ADAMTSL1: variants seen among roughly 807,000 people sequenced by gnomAD.
ADAMTSL1 encodes the protein ADAMTS-like protein 1.
In ADAMTSL1, 126 loss-of-function variants were observed where a neutral mutation model predicts 201.8. The observed-to-expected ratio is 0.62, with a 90% CI of 0.54 to 0.72. The LOEUF (loss-of-function observed/expected upper bound fraction) is 0.72, where lower values mean the gene tolerates loss of function less well. Among genes scored for constraint, ADAMTSL1 ranks in the 30% least tolerant of loss-of-function variants. The probability of loss-of-function intolerance (pLI) is 0.00; values close to 1 mark genes in which losing one functional copy is unlikely to be tolerated. For synonymous variants in ADAMTSL1, 1,121 were observed against 903.4 expected, an observed-to-expected ratio of 1.24 and a Z score of -4.32; for missense variants, 2,679 against 2,277.8, an observed-to-expected ratio of 1.18 and a Z score of -3.59.
chr9:18,095,061 A>G (rs1470457925), intron 1 of ADAMTSL1, among the ~76,000 whole-genome samples: 1 of 152,202 alleles, frequency 6.6e-6, no homozygotes. Context: ...CTTTGGTGCT[A>G]AAAGATAGTT....
intron 7 of ADAMTSL1, among the ~76,000 whole-genome samples, chr9:18,647,366 G>GT (rs372396490): frequency 0.47 from 70,442 of 149,144 alleles, 17,037 homozygotes; most frequent in East Asian, 0.65. Context: ...TTTTTGAAGG[G>GT]TTTTTTTTCC....
chr9:18,447,828 A>T lies in ADAMTSL1; in HGVS notation c.208-57001A>T, dbSNP rs1051823385. Among the ~76,000 whole-genome samples, 2 of 152,250 alleles carry T rather than the reference A, an allele frequency of 1.3e-5. 1 individual carries two copies. Among genetic ancestry groups the T allele is most frequent in the African/African-American group, 4.8e-5 (2 of 41,476 alleles). On this transcript the variant is annotated intron_variant, in intron 2 of 29. Coordinates refer to the ADAMTSL1 transcript ENST00000680146. Reference sequence around the variant, plus strand: ...GCATGCCCCTCAGGGGCCTGGTGACAGTAGCTCTTTGAATGCAGAAGAGCC... The same window carrying T: ...GCATGCCCCTCAGGGGCCTGGTGACTGTAGCTCTTTGAATGCAGAAGAGCC...
chr9:18,905,035 C>T lies in ADAMTSL1; in HGVS notation c.4852-747C>T, dbSNP rs147072251. Among the ~76,000 whole-genome samples the T allele has an allele frequency of 1.1e-4, 16 of 152,232 alleles. No individual in the cohort carries two copies. In the East Asian group the frequency reaches 2.9e-3, roughly 28 times the overall value. Reference sequence around the variant, plus strand: ...CACCCCAGCACCACCCCCAGTGGAACCCTAGGGATCCAAAGACCCCCAAGT... The same window carrying T: ...CACCCCAGCACCACCCCCAGTGGAATCCTAGGGATCCAAAGACCCCCAAGT... On this transcript the variant is annotated intron_variant, in intron 26 of 28. Transcript: ENST00000380548.
intron 15 of ADAMTSL1, among the ~76,000 whole-genome samples, chr9:18,727,006 C>T (rs776436461): frequency 3.9e-5 from 6 of 152,152 alleles, no homozygotes; most frequent in East Asian, 1.9e-4. Context: ...TTAAGAAACA[C>T]GTCTGAAAGG....
At chr9:18,876,300 A>AGGTGTGTGTGTG (rs1828143325) in intron 23 of ADAMTSL1, among the ~76,000 whole-genome samples, 2 of 47,492 alleles carry the variant, frequency 4.2e-5, no homozygotes, top group African/African-American at 2.7e-4. Context: ...TTGCCTGAAT[A>AGGTGTGTGTGTG]CGTGTGTGTG....
At chr9:18,892,688 C>T (rs1829361771) in intron 26 of ADAMTSL1, 92 bp downstream of exon 26, 1 of 1,380,528 alleles carries the variant, frequency 7.2e-7, no homozygotes, top group Non-Finnish European at 9.8e-7. Context: ...CTGCCACTGC[C>T]ACCTCCTCCT....
At chr9:18,492,561 G>T (rs371715241) in intron 1 of ADAMTSL1, among the ~76,000 whole-genome samples, 1 of 152,154 alleles carries the variant, frequency 6.6e-6, no homozygotes, top group Admixed American at 6.5e-5. Context: ...CTGTAGGACT[G>T]CCTCTACTTG....
intron 1 of ADAMTSL1, among the ~76,000 whole-genome samples, chr9:18,119,405 A>G (rs527516): frequency 0.16 from 24,106 of 151,676 alleles, 1,940 homozygotes; most frequent in East Asian, 0.24. Context: ...TGATTCTCCT[A>G]TTCTCCTGCC....
At chr9:18,034,925 T>C (rs1821126984) in intron 1 of ADAMTSL1, among the ~76,000 whole-genome samples, 1 of 152,204 alleles carries the variant, frequency 6.6e-6, no homozygotes, top group South Asian at 2.1e-4. Context: ...GGTATGGTAA[T>C]CAGATTGTTC....
intron 1 of ADAMTSL1, among the ~76,000 whole-genome samples, chr9:18,482,287 G>A (rs1330541622): frequency 5.3e-5 from 8 of 152,118 alleles, no homozygotes; most frequent in African/African-American, 1.7e-4. Flanking sequence ...GAATTATTTG[G>A]GTGCACCTCA....
intron 2 of ADAMTSL1, among the ~76,000 whole-genome samples, chr9:18,174,211 C>T (rs1299300936): frequency 2.6e-5 from 4 of 152,168 alleles, no homozygotes; most frequent in African/African-American, 9.7e-5. Flanking sequence ...AGGCAACTAT[C>T]TTCCCAAGGA....
chr9:18,416,157 T>G (rs2133337842), intron 2 of ADAMTSL1, among the ~76,000 whole-genome samples: 1 of 152,218 alleles, frequency 6.6e-6, no homozygotes, highest in Non-Finnish European at 1.5e-5. Context: ...TACAAAATAC[T>G]TTCTCTCATT....
intron 4 of ADAMTSL1, among the ~76,000 whole-genome samples, chr9:18,574,763 T>A (rs1822600650): frequency 2.0e-5 from 3 of 152,150 alleles, no homozygotes; most frequent in Non-Finnish European, 1.5e-5. Context: ...GTAGAGAAAG[T>A]CATGGAAGAG....
rs936664677 is a variant in ADAMTSL1, at chr9:18,910,361, G to A, written c.*1813G>A. On this transcript the variant is annotated 3_prime_UTR_variant, in exon 29 of 29. Transcript: ENST00000380548. Reference sequence around the variant, plus strand: ...TTAAAAAAGTGCAATATTAATAATTGTACATTGTCATCCAGAAACAAAACT... The same window carrying A: ...TTAAAAAAGTGCAATATTAATAATTATACATTGTCATCCAGAAACAAAACT... 6.6e-6 allele frequency: 1 copy of A among 152,164 alleles called. No homozygotes were observed. The highest frequency in any genetic ancestry group is 2.4e-5 in the African/African-American group (1 of 41,438). The allele number at this position is 152,164 out of a possible 1,614,324, so 9.4% of individuals were successfully genotyped here.
At chr9:18,321,968 G>T (rs1363206537) in intron 2 of ADAMTSL1, among the ~76,000 whole-genome samples, 3 of 152,000 alleles carry the variant, frequency 2.0e-5, no homozygotes, top group Non-Finnish European at 2.9e-5. Context: ...AACTAAATTA[G>T]AAATCAATAA....
At chr9:18,860,187 G>A (rs942265954) in intron 23 of ADAMTSL1, among the ~76,000 whole-genome samples, 1 of 152,200 alleles carries the variant, frequency 6.6e-6, no homozygotes, top group African/African-American at 2.4e-5. Context: ...AGAAGGTATT[G>A]AATTCATCTT....
chr9:18,835,996 ATTTAT>A, intron 23 of ADAMTSL1, among the ~76,000 whole-genome samples: 1 of 152,254 alleles, frequency 6.6e-6, no homozygotes, highest in South Asian at 2.1e-4. Flanking sequence ...TGGTAGAATG[ATTTAT>A]TTTCTTTTGA....
chr9:18,848,898 G>C (rs1451639261), intron 23 of ADAMTSL1, among the ~76,000 whole-genome samples: 1 of 152,164 alleles, frequency 6.6e-6, no homozygotes, highest in Non-Finnish European at 1.5e-5. Flanking sequence ...CATTCCCTTT[G>C]ATAATATCAG....
intron 23 of ADAMTSL1, among the ~76,000 whole-genome samples, chr9:18,861,682 T>C (rs1827224899): frequency 6.6e-6 from 1 of 152,236 alleles, no homozygotes; most frequent in Non-Finnish European, 1.5e-5. Context: ...GGATTTCTGA[T>C]GTTTCTTTAT....
Sources: allele counts gnomAD v4.1 joint callset (sites outside exome capture counted in the v4.1 genomes callset), GRCh38; gene constraint gnomAD v4.1.1; transcripts MANE v1.5; gene names NCBI Gene and HGNC (gene_info 2026-07-23, HGNC 2026-07-21).